The following EDARADD variants were observed in gnomAD, a reference collection of about 807,000 sequenced individuals.
EDARADD encodes the protein EDAR associated via death domain, also known as ectodysplasin-A receptor-associated adapter protein.
A neutral mutation model predicts 25.6 loss-of-function variants in EDARADD; 20 were observed. The ratio of observed to expected loss-of-function variants is 0.78; its 90% confidence interval spans 0.55 to 1.14. The LOEUF (loss-of-function observed/expected upper bound fraction) is 1.14. EDARADD is among the 50% of genes most tolerant of loss of function. EDARADD has a pLI of 0.00. For synonymous variants in EDARADD, 86 were observed against 94.4 expected (o/e 0.91, Z 0.52); for missense variants, 225 against 270.1 (o/e 0.83, Z 1.17).
At chr1:236,349,839 C>T (rs12403146) in intron 2 of EDARADD, among the ~76,000 whole-genome samples, 20,355 of 152,108 alleles carry the variant, frequency 0.13, 1,894 homozygotes, top group East Asian at 0.43. Flanking sequence ...GTGGCAGGCG[C>T]GGTGGCTCAC....
At chr1:236,446,963 A>G (rs1658555873) in intron 4 of EDARADD, among the ~76,000 whole-genome samples, 1 of 152,178 alleles carries the variant, frequency 6.6e-6, no homozygotes, top group African/African-American at 2.4e-5. Context: ...GGTGGTAAAC[A>G]AAAGACAAGA....
chr1:236,361,635 T>TTATATATATATATATA (rs146661697), intron 3 of EDARADD, among the ~76,000 whole-genome samples: 9,683 of 133,762 alleles, frequency 0.072, 514 homozygotes, highest in Admixed American at 0.098. Flanking sequence ...CAGCCAAATT[T>TTATATATATATATATA]TATATATATA....
Position 236,386,215 on chromosome 1 carries a change from C to G in EDARADD, c.-5-23001C>G, listed in dbSNP as rs1406423149. Among the ~76,000 whole-genome samples the G allele has an allele frequency of 6.0e-5, 2 of 33,498 alleles. 1 individual carries two copies. Among genetic ancestry groups the G allele is most frequent in the Non-Finnish European group, 1.4e-4 (2 of 14,472 alleles). 22.0% of individuals were successfully genotyped at this position (33,498 alleles called of 152,430 possible). ...CAGACGGAGTCTCGTTCACTCAGTG[C>G]TCAATGGTGCCCAGGCTGGAGTGCA... On this transcript the variant is annotated intron_variant, in intron 3 of 7. Coordinates refer to the EDARADD transcript ENST00000439430.
chr1:236,480,133 A>ATATATATATATATATATC (rs1553271650), intron 5 of EDARADD, among the ~76,000 whole-genome samples: 1 of 142,090 alleles, frequency 7.0e-6, no homozygotes, highest in African/African-American at 2.7e-5. Context: ...ATATATATAT[A>ATATATATATATATATATC]TATCACATTT....
intron 4 of EDARADD, among the ~76,000 whole-genome samples, chr1:236,443,901 G>A (rs756910652): frequency 6.6e-5 from 10 of 152,104 alleles, no homozygotes; most frequent in Non-Finnish European, 1.2e-4. Flanking sequence ...CATACGCTCC[G>A]GAGAAATCTT....
In EDARADD at chr1:236,433,369, G is replaced by A. The variant is rs934799398; in HGVS notation, c.219+5919G>A. Among the ~76,000 whole-genome samples the A allele has an allele frequency of 6.6e-5, 10 of 152,022 alleles. No individual in the cohort carries two copies. The South Asian group carries it at 2.1e-3, about 32-fold the overall frequency. ...AGGTTAGGAGTTTGAGATCAGCCTG[G>A]CCAACATGGGGAAACAGAAACCCTG... On this transcript the variant is annotated intron_variant, in intron 4 of 5. Transcript: ENST00000334232.
chr1:236,381,094 C>T (rs1415416496), intron 3 of EDARADD, among the ~76,000 whole-genome samples: 2 of 152,184 alleles, frequency 1.3e-5, no homozygotes, highest in Admixed American at 6.6e-5. Context: ...CAATCCTGGG[C>T]ACCCATTAAT....
intron 1 of EDARADD, among the ~76,000 whole-genome samples, chr1:236,406,831 T>G (rs1667748412): frequency 6.6e-6 from 1 of 152,232 alleles, no homozygotes; most frequent in African/African-American, 2.4e-5. Context: ...CTCCCCAGGC[T>G]GCGAGTGCTG....
rs1477845866 is a variant in EDARADD, at chr1:236,484,522, C to A, written c.*1873C>A. ...CCTGGTGGCTAATTAGACCCCTCCC[C>A]TTGTGTCAACTCCGGCAGCTCAAGA... On this transcript the variant is annotated 3_prime_UTR_variant, in exon 6 of 6. Transcript: ENST00000334232. This position sits in a 1 kb window ranked among gnomAD's most constrained non-coding sequence, Gnocchi z 4.1. 4.2e-6 allele frequency: 6 copies of A among 1,425,722 alleles called. No homozygotes were observed. The highest frequency in any genetic ancestry group is 5.9e-6 in the Non-Finnish European group (6 of 1,019,996). The allele number at this position is 1,425,722 out of a possible 1,614,324, so 88.3% of individuals were successfully genotyped here.
chr1:236,428,874 CT>C (rs1455656110), intron 4 of EDARADD, among the ~76,000 whole-genome samples: 1 of 152,088 alleles, frequency 6.6e-6, no homozygotes, highest in African/African-American at 2.4e-5. Flanking sequence ...GAGACTCTGT[CT>C]GCAATCCCGG....
intron 3 of EDARADD, among the ~76,000 whole-genome samples, chr1:236,384,705 A>T (rs6659210): frequency 6.6e-6 from 1 of 151,900 alleles, no homozygotes; most frequent in Non-Finnish European, 1.5e-5. Flanking sequence ...TATTATTATT[A>T]TTTTTTGTAG....
intron 3 of EDARADD, among the ~76,000 whole-genome samples, chr1:236,363,664 G>GA (rs534712114): frequency 1.8e-4 from 28 of 151,988 alleles, no homozygotes; most frequent in African/African-American, 6.3e-4. Context: ...AAAGTACTGG[G>GA]ATTACAGGCA....
intron 2 of EDARADD, among the ~76,000 whole-genome samples, chr1:236,413,693 A>G (rs953271035): frequency 6.6e-6 from 1 of 152,218 alleles, no homozygotes; most frequent in Non-Finnish European, 1.5e-5. Context: ...AACATTTGCT[A>G]TTTTGAATTC....
At chr1:236,400,220 C>T (rs938307007) in intron 1 of EDARADD, among the ~76,000 whole-genome samples, 1 of 152,150 alleles carries the variant, frequency 6.6e-6, no homozygotes, top group Non-Finnish European at 1.5e-5. Context: ...TTCTCTCTAC[C>T]CAAGCATTTT....
intron 2 of EDARADD, among the ~76,000 whole-genome samples, chr1:236,413,142 G>A (rs1191336267): frequency 6.6e-6 from 1 of 152,230 alleles, no homozygotes; most frequent in East Asian, 1.9e-4. Flanking sequence ...GGGATTACAG[G>A]CGTGAGCCAC....
At chr1:236,450,239 C>T (rs1208659797) in intron 4 of EDARADD, among the ~76,000 whole-genome samples, 2 of 151,942 alleles carry the variant, frequency 1.3e-5, no homozygotes, top group Non-Finnish European at 2.9e-5. Context: ...GGCATATGAT[C>T]GATATAATCG....
At chr1:236,461,542 G>A (rs138250277) in intron 4 of EDARADD, among the ~76,000 whole-genome samples, 37 of 152,310 alleles carry the variant, frequency 2.4e-4, no homozygotes, top group Middle Eastern at 3.4e-3. Flanking sequence ...ATGCTGGTTG[G>A]TATAGCTCTG....
chr1:236,450,600 G>A (rs1298391371), intron 4 of EDARADD, among the ~76,000 whole-genome samples: 1 of 142,448 alleles, frequency 7.0e-6, no homozygotes, highest in Non-Finnish European at 1.5e-5. Flanking sequence ...CCAGGCTGGA[G>A]TGCAGTGGTG....
intron 5 of EDARADD, among the ~76,000 whole-genome samples, chr1:236,478,357 ATATG>A (rs1302694542): frequency 1.2e-4 from 15 of 128,246 alleles, no homozygotes; most frequent in South Asian, 5.0e-4. Flanking sequence ...ATCCATATAT[ATATG>A]TGTGTGTGTG....
Sources: allele counts gnomAD v4.1 joint callset (sites outside exome capture counted in the v4.1 genomes callset), GRCh38; gene constraint gnomAD v4.1.1; non-coding constraint Gnocchi (gnomAD v3.1); transcripts MANE v1.5; gene names NCBI Gene and HGNC (gene_info 2026-07-23, HGNC 2026-07-21).